FAM120B: variants seen among roughly 807,000 people sequenced by gnomAD.
FAM120B encodes family with sequence similarity 120 member B.
Under a neutral mutation model 96.3 loss-of-function variants are expected in FAM120B, and 83 were observed. That is an observed-to-expected ratio of 0.86 (90% CI 0.72 to 1.03). FAM120B has a LOEUF of 1.03. FAM120B is among the 50% of genes least tolerant of loss of function. The pLI is 0.00. For missense variants in FAM120B, 1,027 were observed against 1,121.2 expected, an observed-to-expected ratio of 0.92 and a Z score of 1.20; for synonymous variants, 407 against 402.7, an observed-to-expected ratio of 1.01 and a Z score of -0.13.
intron 6 of FAM120B, among the ~76,000 whole-genome samples, chr6:170,386,040 TG>T (rs1790167801): frequency 6.6e-6 from 1 of 152,136 alleles, no homozygotes; most frequent in Non-Finnish European, 1.5e-5. Context: ...GATGCTCTCA[TG>T]GTGGCTCCAG....
intron 6 of FAM120B, among the ~76,000 whole-genome samples, chr6:170,384,825 A>G (rs1404514209): frequency 6.6e-6 from 1 of 152,190 alleles, no homozygotes; most frequent in Non-Finnish European, 1.5e-5. Context: ...AGAATATCTA[A>G]CAGAAACTGT....
In FAM120B at chr6:170,348,139, T is replaced by C. The variant is rs1787321898; in HGVS notation, c.2018-12T>C. On this transcript the variant is annotated splice_polypyrimidine_tract_variant and intron_variant, in intron 4 of 10. Coordinates refer to ENST00000476287, the MANE Select transcript of FAM120B (RefSeq NM_032448.3). ...AAAGAACAATAGTTAATGGACTTTT[T>C]TTCTTAACTAGGGGGAACGCCTAGT... 1.2e-6 allele frequency: 2 copies of C among 1,609,538 alleles called. No individual in the cohort carries two copies. The highest frequency in any genetic ancestry group is 1.7e-6 in the Non-Finnish European group (2 of 1,177,988).
intron 1 of FAM120B, among the ~76,000 whole-genome samples, chr6:170,311,658 A>G (rs1019840929): frequency 6.6e-6 from 1 of 152,046 alleles, no homozygotes; most frequent in Middle Eastern, 3.4e-3. Context: ...TCTGTCCTAC[A>G]CTCGTGTCCA....
At chr6:170,347,129 A>C (rs1262667654) in intron 4 of FAM120B, among the ~76,000 whole-genome samples, 1 of 152,160 alleles carries the variant, frequency 6.6e-6, no homozygotes, top group Non-Finnish European at 1.5e-5. Context: ...GAAACATAAG[A>C]AAAGAAAGAG....
chr6:170,378,233 A>G (rs960706507), intron 6 of FAM120B, among the ~76,000 whole-genome samples: 12 of 152,300 alleles, frequency 7.9e-5, no homozygotes, highest in African/African-American at 2.9e-4. Context: ...AATCTTTAGC[A>G]TACCCAGAAT....
chr6:170,322,184 A>C (rs1429835318), intron 2 of FAM120B, among the ~76,000 whole-genome samples: 1 of 152,270 alleles, frequency 6.6e-6, no homozygotes, highest in Non-Finnish European at 1.5e-5. Context: ...ATTACAGAGG[A>C]GAAGCACCTG....
upstream of FAM120B, among the ~76,000 whole-genome samples, chr6:170,303,209 T>A (rs1484643359): frequency 6.6e-6 from 1 of 152,200 alleles, no homozygotes; most frequent in Non-Finnish European, 1.5e-5. Flanking sequence ...ATATATTTCT[T>A]TTGTATATGA....
At position 170,330,554 on chromosome 6, in the gene FAM120B, C is replaced by T. The variant is rs1477726892; in HGVS notation, c.2017+4C>T. 2 of 1,608,938 alleles carry T rather than the reference C, an allele frequency of 1.2e-6. No individual in the cohort carries two copies. The highest frequency in any genetic ancestry group is 1.7e-6 in the Non-Finnish European group (2 of 1,175,448). On this transcript the variant is annotated splice_donor_region_variant and intron_variant, in intron 4 of 10. Transcript: ENST00000476287. ...CCGCTGCAGATGACCATTCCAGGTA[C>T]AGGCAGCCTTTCTTTAAATGAACCA... is the stretch of plus-strand genomic sequence containing the variant.
intron 4 of FAM120B, among the ~76,000 whole-genome samples, chr6:170,339,847 C>T (rs1399719018): frequency 6.6e-6 from 1 of 151,416 alleles, no homozygotes; most frequent in Non-Finnish European, 1.5e-5. Flanking sequence ...AGGGTTTCTG[C>T]AGAGAGATCT....
At chr6:170,313,457 G>A (rs1410543511) in intron 1 of FAM120B, among the ~76,000 whole-genome samples, 2 of 152,154 alleles carry the variant, frequency 1.3e-5, no homozygotes, top group Non-Finnish European at 2.9e-5. Flanking sequence ...ACAAGAAAAA[G>A]GAAGACTTTG....
chr6:170,373,942 A>G (rs930090222), intron 6 of FAM120B, among the ~76,000 whole-genome samples: 3 of 152,182 alleles, frequency 2.0e-5, no homozygotes, highest in South Asian at 2.1e-4. Context: ...CAGCACCAAC[A>G]TGGTGCTGCT....
upstream of FAM120B, among the ~76,000 whole-genome samples, chr6:170,305,215 G>A (rs897913931): frequency 6.6e-6 from 1 of 152,106 alleles, no homozygotes; most frequent in Non-Finnish European, 1.5e-5. Context: ...CTTACAATAT[G>A]TTTCACTTGT....
At chr6:170,291,851 C>T (rs920650624), upstream of FAM120B, among the ~76,000 whole-genome samples, 3 of 152,152 alleles carry the variant, frequency 2.0e-5, no homozygotes, top group African/African-American at 4.8e-5. Context: ...CCCACAGACA[C>T]GCGCCCTCCC....
intron 6 of FAM120B, among the ~76,000 whole-genome samples, chr6:170,387,626 A>T (rs546124327): frequency 6.6e-6 from 1 of 152,242 alleles, no homozygotes; most frequent in East Asian, 1.9e-4. Flanking sequence ...TAAATTTGAC[A>T]GTGAAAAGAA....
Position 170,393,765 on chromosome 6 carries a change from C to T in FAM120B, c.2600-1722C>T, listed in dbSNP as rs183763182. Among the ~76,000 whole-genome samples the T allele has an allele frequency of 4.4e-4, 67 of 152,374 alleles. 1 individual carries two copies. The East Asian group carries it at 8.1e-3, about 18-fold the overall frequency. On this transcript the variant is annotated intron_variant, in intron 8 of 10. Coordinates refer to ENST00000476287, the MANE Select transcript of FAM120B (RefSeq NM_032448.3). ...GCAGAACTTAGACTGAAGCCTCCAC[C>T]GCTTGGCCCCAGCCCCATGTTCTTG...
intron 6 of FAM120B, among the ~76,000 whole-genome samples, chr6:170,378,373 A>C (rs1354228080): frequency 2.0e-5 from 3 of 152,166 alleles, no homozygotes; most frequent in Non-Finnish European, 4.4e-5. Flanking sequence ...CACCTGGCAC[A>C]CACCCTGCCA....
Position 170,323,096 on chromosome 6 carries a change from C to T in FAM120B, c.1752C>T (p.His584=), listed in dbSNP as rs144634371. 1.7e-4 allele frequency: 269 copies of T among 1,612,492 alleles called. 2 individuals carry two copies. Among genetic ancestry groups the T allele is most frequent in the Admixed American group, 1.1e-3 (63 of 59,790 alleles). ...TCAAACAGGTTGCTAGAACACATCA[C>T]GTCCAAGCAGAAAGCTACCTGGTGT... ...TEILKVARTH[H]VQAESYLVYN... is the part of the protein sequence containing the mutation. The change falls in exon 3 of 11, where the codon CAC becomes CAT. Residue 584 remains histidine, a synonymous_variant. Coordinates refer to ENST00000476287, the MANE Select transcript of FAM120B (RefSeq NM_032448.3).
chr6:170,351,739 T>A (rs1033750902), intron 5 of FAM120B, among the ~76,000 whole-genome samples: 1 of 152,208 alleles, frequency 6.6e-6, no homozygotes, highest in East Asian at 1.9e-4. Context: ...AAGCAAATGC[T>A]TAGGGAATTT....
intron 9 of FAM120B, among the ~76,000 whole-genome samples, chr6:170,397,636 G>T (rs1422305996): frequency 6.6e-6 from 1 of 152,164 alleles, no homozygotes; most frequent in African/African-American, 2.4e-5. Flanking sequence ...CACACAGCTT[G>T]GTCTAGATCT....
Sources: allele counts gnomAD v4.1 joint callset (sites outside exome capture counted in the v4.1 genomes callset), GRCh38; gene constraint gnomAD v4.1.1; transcripts MANE v1.5; gene names NCBI Gene and HGNC (gene_info 2026-07-23, HGNC 2026-07-21).